The following PAK4 variants were observed in gnomAD, a reference collection of about 807,000 sequenced individuals.
The protein encoded by PAK4 is serine/threonine-protein kinase PAK 4.
Under a neutral mutation model 53.5 loss-of-function variants are expected in PAK4, and 49 were observed. That is an observed-to-expected ratio of 0.92 (90% CI 0.73 to 1.16). The LOEUF (loss-of-function observed/expected upper bound fraction) is 1.16. Ranked by LOEUF, PAK4 falls within the 50% of genes most tolerant of loss-of-function variation. PAK4 has a pLI of 0.00. For synonymous variants in PAK4, 376 were observed against 375.6 expected (o/e 1.00, Z -0.01); for missense variants, 824 against 850.7 (o/e 0.97, Z 0.39).
chr19:39,169,690 C>T (rs906708547), exon 2 of PAK4: 8 of 1,612,226 alleles, frequency 5.0e-6, no homozygotes, highest in East Asian at 2.2e-5. Flanking sequence ...ATCGAGGAGT[C>T]GGCTCGCCGG....
intron 1 of PAK4, among the ~76,000 whole-genome samples, chr19:39,155,388 G>A (rs1325678659): frequency 6.6e-6 from 1 of 152,160 alleles, no homozygotes; most frequent in African/African-American, 2.4e-5. Flanking sequence ...CTGGCATGGG[G>A]AGGTGCAGGG....
chr19:39,176,153 G>C (rs1011783083), intron 6 of PAK4, among the ~76,000 whole-genome samples: 1 of 152,240 alleles, frequency 6.6e-6, no homozygotes, highest in African/African-American at 2.4e-5. Context: ...AGGTGTGAGA[G>C]GCCTGGTTGT....
chr19:39,175,065 G>T lies in PAK4; in HGVS notation c.1232+1G>T. ...TCACCGACATCGTCACCCACACCAG[G>T]TATTTCTGGGGCCTCAGACCCCTCC... On this transcript the variant is annotated splice_donor_variant, in intron 5 of 8. Transcript: ENST00000358301. LOFTEE classifies it high-confidence loss of function. This position sits in a 1 kb window ranked among gnomAD's most constrained non-coding sequence, Gnocchi z 4.7. 1 of 1,605,976 alleles carries T rather than the reference G, an allele frequency of 6.2e-7. No individual in the cohort carries two copies. Among genetic ancestry groups the T allele is most frequent in the Non-Finnish European group, 8.5e-7 (1 of 1,175,872 alleles).
At chr19:39,158,833 CA>C (rs1484897466) in intron 1 of PAK4, among the ~76,000 whole-genome samples, 1 of 152,200 alleles carries the variant, frequency 6.6e-6, no homozygotes, top group Non-Finnish European at 1.5e-5. Flanking sequence ...AACAGCCCAT[CA>C]GGCTCCTCCC....
At chr19:39,164,134 G>A (rs1209651943) in intron 1 of PAK4, among the ~76,000 whole-genome samples, 2 of 152,074 alleles carry the variant, frequency 1.3e-5, no homozygotes, top group African/African-American at 4.8e-5. Flanking sequence ...TAAATTAGCC[G>A]GGTATGGTGG....
At chr19:39,145,550 G>A (rs1224355499) in intron 1 of PAK4, among the ~76,000 whole-genome samples, 2 of 152,166 alleles carry the variant, frequency 1.3e-5, no homozygotes, top group African/African-American at 4.8e-5. Flanking sequence ...GCTCCACGTG[G>A]GTTTGAGGCG....
chr19:39,169,494 G>T (rs747147972), intron 1 of PAK4, 38 bp from the exon 3 acceptor site: 18 of 1,420,684 alleles, frequency 1.3e-5, no homozygotes, highest in Middle Eastern at 1.8e-4. Flanking sequence ...AGAGACATGG[G>T]CAGGCTCTCA....
intron 4 of PAK4, 106 bp from the exon 6 acceptor site, chr19:39,174,825 C>G (rs781002508): frequency 7.3e-7 from 1 of 1,374,356 alleles, no homozygotes; most frequent in Non-Finnish European, 1.0e-6. Context: ...CCAGTGAGCA[C>G]AAGCTTAATG....
At chr19:39,155,729 G>A (rs1009201861) in intron 1 of PAK4, among the ~76,000 whole-genome samples, 4 of 152,100 alleles carry the variant, frequency 2.6e-5, no homozygotes, top group Non-Finnish European at 4.4e-5. Context: ...ACAGACACCG[G>A]GACAGACATC....
At chr19:39,166,292 A>G (rs1311913488) in intron 1 of PAK4, among the ~76,000 whole-genome samples, 1 of 152,158 alleles carries the variant, frequency 6.6e-6, no homozygotes, top group Non-Finnish European at 1.5e-5. Context: ...AAAAATACAA[A>G]AATTAGCTGG....
exon 2 of PAK4, chr19:39,169,570 A>C: frequency 1.9e-6 from 3 of 1,613,304 alleles, no homozygotes; most frequent in Non-Finnish European, 2.5e-6. Flanking sequence ...GGGAAGAGGA[A>C]GAAGCGGGTG....
chr19:39,139,944 T>C (rs2073882980), intron 1 of PAK4, among the ~76,000 whole-genome samples: 1 of 152,188 alleles, frequency 6.6e-6, no homozygotes, highest in Admixed American at 6.5e-5. Context: ...TTTTCTAGGC[T>C]TCTGACATGG....
chr19:39,172,877 C>G (rs1178452676), intron 2 of PAK4, 41 bp from the exon 4 acceptor site: 1 of 1,479,018 alleles, frequency 6.8e-7, no homozygotes, highest in Non-Finnish European at 9.1e-7. Flanking sequence ...GTGTGCCCCA[C>G]TCCTTGCTGG....
chr19:39,132,590 C>T (rs2073734061), intron 1 of PAK4, among the ~76,000 whole-genome samples: 1 of 152,274 alleles, frequency 6.6e-6, no homozygotes, highest in South Asian at 2.1e-4. Flanking sequence ...GCCATCAGGC[C>T]ATTCCCATCT....
chr19:39,141,585 G>A (rs1003866206), intron 1 of PAK4, among the ~76,000 whole-genome samples: 4 of 151,640 alleles, frequency 2.6e-5, no homozygotes, highest in Non-Finnish European at 2.9e-5. Context: ...CAAAGTGCTG[G>A]AATTATAGGC....
At chr19:39,151,145 G>A (rs1451343883) in intron 1 of PAK4, among the ~76,000 whole-genome samples, 1 of 152,204 alleles carries the variant, frequency 6.6e-6, no homozygotes, top group Non-Finnish European at 1.5e-5. Context: ...TAGGTTTTTA[G>A]CAGGAGAGGA....
chr19:39,179,403 T>C (rs1205882088), downstream of PAK4: 1 of 144,862 alleles, frequency 6.9e-6, no homozygotes, highest in Non-Finnish European at 1.6e-5. Flanking sequence ...TGTCTTGTTT[T>C]GTGTCTGTGT....
chr19:39,166,381 T>TC (rs2144799519), intron 1 of PAK4, among the ~76,000 whole-genome samples: 1 of 152,194 alleles, frequency 6.6e-6, no homozygotes, highest in South Asian at 2.1e-4. Context: ...GAGGCGGAGG[T>TC]TGCAGTGAGC....
chr19:39,176,648 A>G, exon 7 of PAK4: 1 of 1,613,724 alleles, frequency 6.2e-7, no homozygotes, highest in Admixed American at 1.7e-5. Context: ...CCCCGAAGGA[A>G]GTCGCTGGTC....
Sources: allele counts gnomAD v4.1 joint callset (sites outside exome capture counted in the v4.1 genomes callset), GRCh38; gene constraint gnomAD v4.1.1; non-coding constraint Gnocchi (gnomAD v3.1); transcripts MANE v1.5; gene names NCBI Gene and HGNC (gene_info 2026-07-23, HGNC 2026-07-21).